The following MSH3 variants were observed in gnomAD, a reference collection of about 807,000 sequenced individuals.
MSH3 encodes the protein mutS homolog 3.
A neutral mutation model predicts 123.3 loss-of-function variants in MSH3; 106 were observed. The ratio of observed to expected loss-of-function variants is 0.86; its 90% CI spans 0.73 to 1.01. MSH3 has a LOEUF of 1.01. Among genes scored for constraint, MSH3 ranks in the 50% least tolerant of loss-of-function variants. The pLI is 0.00. For missense variants in MSH3, 1,459 were observed against 1,347.6 expected (o/e 1.08, Z -1.29); for synonymous variants, 515 against 481.4 (o/e 1.07, Z -0.91).
intron 21 of MSH3, 106 bp from the exon 22 acceptor site, chr5:80,864,707 T>G: frequency 1.0e-6 from 1 of 975,682 alleles, no homozygotes; most frequent in Non-Finnish European, 1.6e-6. Flanking sequence ...ACTTTTCTTG[T>G]GACTTTTAGG....
At chr5:80,717,046 T>TG (rs900249022) in intron 8 of MSH3, among the ~76,000 whole-genome samples, 38 of 151,848 alleles carry the variant, frequency 2.5e-4, no homozygotes, top group Non-Finnish European at 3.8e-4. Flanking sequence ...TTTCATTTTT[T>TG]GGGGGGGGCT....
At chr5:80,662,151 G>A (rs1749448902) in intron 2 of MSH3, among the ~76,000 whole-genome samples, 1 of 152,162 alleles carries the variant, frequency 6.6e-6, no homozygotes, top group South Asian at 2.1e-4. Context: ...TAGATACACA[G>A]ATACTTACCA....
intron 21 of MSH3, among the ~76,000 whole-genome samples, chr5:80,863,644 G>A (rs1264522821): frequency 6.6e-6 from 1 of 150,908 alleles, no homozygotes; most frequent in Non-Finnish European, 1.5e-5. Context: ...GGGCAACAGA[G>A]TGACACTCCG....
At chr5:80,865,645 TACAGTAG>T (rs1436627559) in intron 22 of MSH3, among the ~76,000 whole-genome samples, 3 of 152,220 alleles carry the variant, frequency 2.0e-5, no homozygotes, top group African/African-American at 7.2e-5. Flanking sequence ...CCATAAGTAA[TACAGTAG>T]ACTTTAGCAT....
At chr5:80,872,168 T>A (rs1329129407) in intron 22 of MSH3, among the ~76,000 whole-genome samples, 1 of 152,112 alleles carries the variant, frequency 6.6e-6, no homozygotes, top group Non-Finnish European at 1.5e-5. Flanking sequence ...TTCTTTTCTG[T>A]TTTTAAGGGA....
At chr5:80,714,951 A>C (rs765319784) in intron 8 of MSH3, among the ~76,000 whole-genome samples, 2 of 152,228 alleles carry the variant, frequency 1.3e-5, no homozygotes, top group Non-Finnish European at 2.9e-5. Flanking sequence ...CTTCTTCAGC[A>C]CCACAGATGG....
At chr5:80,675,285 G>A (rs1332436048) in intron 7 of MSH3, among the ~76,000 whole-genome samples, 157 bp downstream of exon 7, 2 of 152,010 alleles carry the variant, frequency 1.3e-5, no homozygotes, top group Non-Finnish European at 1.5e-5. Flanking sequence ...ATGTTAAATC[G>A]CTAGTTACAA....
intron 20 of MSH3, among the ~76,000 whole-genome samples, chr5:80,817,893 A>G (rs1405546677): frequency 6.6e-6 from 1 of 152,178 alleles, no homozygotes; most frequent in Non-Finnish European, 1.5e-5. Context: ...GTGACAACTT[A>G]TGATGTCTTC....
intron 12 of MSH3, among the ~76,000 whole-genome samples, chr5:80,751,804 G>C (rs1743844887): frequency 1.3e-5 from 2 of 152,086 alleles, no homozygotes; most frequent in Admixed American, 1.3e-4. Context: ...TATCTTTTTA[G>C]GGGTACACAA....
chr5:80,789,073 G>GA (rs1468404912), intron 18 of MSH3, among the ~76,000 whole-genome samples: 3 of 152,016 alleles, frequency 2.0e-5, no homozygotes, highest in Non-Finnish European at 2.9e-5. Context: ...TTTTAGTGCA[G>GA]AAAAAATCAC....
chr5:80,831,535 A>G (rs1580076897), intron 20 of MSH3, among the ~76,000 whole-genome samples: 1 of 152,298 alleles, frequency 6.6e-6, no homozygotes, highest in East Asian at 1.9e-4. Flanking sequence ...TATGGTGCCT[A>G]CATATCTTTT....
At chr5:80,802,162 T>C (rs1744800182) in intron 19 of MSH3, among the ~76,000 whole-genome samples, 1 of 152,170 alleles carries the variant, frequency 6.6e-6, no homozygotes, top group African/African-American at 2.4e-5. Flanking sequence ...GAATGTTTCC[T>C]TTGTCTTTCT....
intron 23 of MSH3, among the ~76,000 whole-genome samples, chr5:80,874,299 C>T (rs552674612): frequency 4.6e-5 from 7 of 152,230 alleles, no homozygotes; most frequent in Admixed American, 1.3e-4. Flanking sequence ...CCTGTGCTTC[C>T]GCCTTGCACT....
At chr5:80,713,216 G>A (rs1387819654) in intron 8 of MSH3, among the ~76,000 whole-genome samples, 8 of 152,154 alleles carry the variant, frequency 5.3e-5, no homozygotes, top group Non-Finnish European at 4.4e-5. Context: ...TGATGCCAGA[G>A]AGTCACCAGT....
intron 20 of MSH3, among the ~76,000 whole-genome samples, chr5:80,826,652 G>A (rs989808700): frequency 1.3e-5 from 2 of 151,446 alleles, no homozygotes; most frequent in South Asian, 2.1e-4. Context: ...GGGTTCAAGC[G>A]ATTCTCCTGC....
At chr5:80,801,398 T>C (rs1744788027) in intron 19 of MSH3, among the ~76,000 whole-genome samples, 1 of 152,138 alleles carries the variant, frequency 6.6e-6, no homozygotes, top group East Asian at 1.9e-4. Flanking sequence ...TGGTGTTTAC[T>C]AGAGTGCCTG....
At chr5:80,690,109 G>T (rs1185403461) in intron 8 of MSH3, among the ~76,000 whole-genome samples, 1 of 152,052 alleles carries the variant, frequency 6.6e-6, no homozygotes, top group Admixed American at 6.6e-5. Flanking sequence ...TGTAGAGATG[G>T]GTTCTGGCTA....
intron 9 of MSH3, among the ~76,000 whole-genome samples, chr5:80,726,730 A>C (rs903352818): frequency 6.6e-6 from 1 of 152,086 alleles, no homozygotes; most frequent in Non-Finnish European, 1.5e-5. Context: ...CAGTCTGCCA[A>C]AGTTGCTGGG....
intron 19 of MSH3, among the ~76,000 whole-genome samples, chr5:80,794,869 C>T (rs1744670534): frequency 6.6e-6 from 1 of 152,160 alleles, no homozygotes; most frequent in African/African-American, 2.4e-5. Context: ...TAAAGAAGAG[C>T]TTCTGAACCC....
Sources: gnomAD v4.1 joint callset for allele counts (sites outside exome capture counted in the v4.1 genomes callset) on GRCh38, gnomAD v4.1.1 for gene constraint, MANE v1.5 for transcripts, NCBI Gene and HGNC (gene_info 2026-07-23, HGNC 2026-07-21) for gene names.